The following PLCB4 variants were observed in gnomAD, a reference collection of about 807,000 sequenced individuals.
PLCB4 encodes the protein phospholipase C beta 4.
PLCB4 carries 77 observed loss-of-function variants against 178.8 expected under a neutral mutation model. The ratio of observed to expected loss-of-function variants is 0.43; its 90% confidence interval spans 0.36 to 0.52. The LOEUF is 0.52. PLCB4 is among the 20% of genes least tolerant of loss of function. The probability of loss-of-function intolerance (pLI) is 0.00; values close to 1 mark genes in which losing one functional copy is unlikely to be tolerated. For synonymous variants in PLCB4, 496 were observed against 490.8 expected, an observed-to-expected ratio of 1.01 and a Z score of -0.14; for missense variants, 1,024 against 1,453.4, an observed-to-expected ratio of 0.70 and a Z score of 4.80.
intron 2 of PLCB4, among the ~76,000 whole-genome samples, chr20:9,184,060 T>A (rs973826531): frequency 1.8e-4 from 28 of 152,314 alleles, no homozygotes; most frequent in African/African-American, 5.8e-4. Context: ...AAATTAATTT[T>A]AAAAATCTAA....
chr20:9,420,061 AT>A (rs1170091733), intron 26 of PLCB4, 152 bp downstream of exon 26: 4 of 494,762 alleles, frequency 8.1e-6, no homozygotes, highest in Non-Finnish European at 1.1e-5. Context: ...AATGAGACCC[AT>A]TTTTTCACTA....
chr20:9,384,362 G>A lies in PLCB4; in HGVS notation c.1015G>A (p.Gly339Arg). 5 of 1,614,134 alleles carry A rather than the reference G, an allele frequency of 3.1e-6. No homozygotes were observed. Among genetic ancestry groups the A allele is most frequent in the Non-Finnish European group, 3.4e-6 (4 of 1,179,996 alleles). The change falls in exon 14 of 40, where the codon GGG (glycine) becomes AGG (arginine). Residue 339 changes from glycine (G) to arginine (R), a missense_variant. Coordinates refer to ENST00000378473, the MANE Select transcript of PLCB4 (RefSeq NM_001377142.1). Reference protein sequence around the residue: ...NTYLTGRQFGGKSSVEMYRQV... With the variant: ...NTYLTGRQFGRKSSVEMYRQV... ...TTATCTCACTGGCAGACAGTTCGGC[G>A]GGAAGTCTTCGGTAGAAATGTACAG...
intron 2 of PLCB4, among the ~76,000 whole-genome samples, chr20:9,174,487 A>G (rs1304511830): frequency 6.6e-6 from 1 of 150,462 alleles, no homozygotes; most frequent in Non-Finnish European, 1.5e-5. Context: ...TTACCTGGCA[A>G]TATTGTATAT....
chr20:9,477,826 T>C (rs2044651029), intron 39 of PLCB4, among the ~76,000 whole-genome samples: 1 of 152,166 alleles, frequency 6.6e-6, no homozygotes, highest in Non-Finnish European at 1.5e-5. Context: ...AAATTAATTT[T>C]GTCACAAGAA....
intron 33 of PLCB4, among the ~76,000 whole-genome samples, chr20:9,454,126 T>C (rs980920898): frequency 2.0e-5 from 3 of 152,238 alleles, no homozygotes; most frequent in Non-Finnish European, 4.4e-5. Flanking sequence ...AGTTGTTTTG[T>C]AGAATGGCTC....
rs56785951 is a variant in PLCB4, at chr20:9,213,128, CTTTT to C, written c.-78-4235_-78-4232del. Among the ~76,000 whole-genome samples, 168 of 35,716 alleles carry C rather than the reference CTTTT, an allele frequency of 4.7e-3. 2 individuals are homozygous for C. Among genetic ancestry groups the C allele is most frequent in the South Asian group, 6.5e-3 (4 of 616 alleles). The allele number at this position is 35,716 out of a possible 152,430, so 23.4% of individuals were successfully genotyped here. ...TGCTTGGCTTCTCTCCGTTAGCATA[CTTTT>C]TTTTTTTTTTTTTTTTTTTTTTTTT... On this transcript the variant is annotated intron_variant, in intron 2 of 39. Coordinates refer to ENST00000378473, the MANE Select transcript of PLCB4 (RefSeq NM_001377142.1).
chr20:9,320,329 AGCATGCTAAT>A (rs2147954027), intron 4 of PLCB4, among the ~76,000 whole-genome samples: 1 of 152,336 alleles, frequency 6.6e-6, no homozygotes, highest in African/African-American at 2.4e-5. Flanking sequence ...AATGTCTTTT[AGCATGCTAAT>A]GCATTCATAT....
At chr20:9,248,260 C>A (rs1376965040) in intron 3 of PLCB4, among the ~76,000 whole-genome samples, 1 of 152,046 alleles carries the variant, frequency 6.6e-6, no homozygotes, top group African/African-American at 2.4e-5. Flanking sequence ...TACTCATGTA[C>A]AATGATGTTC....
At chr20:9,128,823 T>A (rs2092199497) in intron 2 of PLCB4, among the ~76,000 whole-genome samples, 1 of 152,144 alleles carries the variant, frequency 6.6e-6, no homozygotes, top group African/African-American at 2.4e-5. Context: ...AACAGAAACC[T>A]CCATTCCTCC....
At chr20:9,390,928 T>C (rs2038088258) in intron 17 of PLCB4, among the ~76,000 whole-genome samples, 1 of 152,186 alleles carries the variant, frequency 6.6e-6, no homozygotes, top group South Asian at 2.1e-4. Context: ...TAGAATCACC[T>C]ACAAAACTGT....
chr20:9,076,850 T>A (rs2089893999), intron 1 of PLCB4, among the ~76,000 whole-genome samples: 2 of 152,182 alleles, frequency 1.3e-5, no homozygotes, highest in South Asian at 2.1e-4. Context: ...ATTGGTTTTT[T>A]AAAATGATGT....
intron 2 of PLCB4, among the ~76,000 whole-genome samples, chr20:9,097,910 G>T (rs1345047618): frequency 6.6e-6 from 1 of 152,160 alleles, no homozygotes; most frequent in African/African-American, 2.4e-5. Flanking sequence ...AAGCTGAGTT[G>T]TAATGTTCGG....
chr20:9,148,509 AT>A (rs925177007), intron 2 of PLCB4, among the ~76,000 whole-genome samples: 3 of 151,674 alleles, frequency 2.0e-5, no homozygotes, highest in East Asian at 1.9e-4. Context: ...TCGTTTTCAG[AT>A]TTTTTTTTCT....
chr20:9,459,608 T>C, intron 34 of PLCB4, 27 bp from the exon 35 acceptor site: 2 of 1,568,648 alleles, frequency 1.3e-6, no homozygotes, highest in Non-Finnish European at 1.7e-6. Flanking sequence ...AGGATTACAA[T>C]GGCACCGTCC....
At chr20:9,075,752 C>T (rs1052463759) in intron 1 of PLCB4, among the ~76,000 whole-genome samples, 1 of 152,226 alleles carries the variant, frequency 6.6e-6, no homozygotes, top group African/African-American at 2.4e-5. Flanking sequence ...TTACCAGTGC[C>T]TCCACATTTT....
At chr20:9,206,811 G>T (rs2093620359) in intron 2 of PLCB4, among the ~76,000 whole-genome samples, 1 of 152,112 alleles carries the variant, frequency 6.6e-6, no homozygotes, top group South Asian at 2.1e-4. Context: ...ACAATGGATG[G>T]CTATTTTAAG....
At chr20:9,348,047 ATG>A (rs1421724866) in intron 7 of PLCB4, among the ~76,000 whole-genome samples, 4 of 152,300 alleles carry the variant, frequency 2.6e-5, no homozygotes, top group Admixed American at 2.6e-4. Context: ...GGAGCCAAGG[ATG>A]GTCCAGGTTA....
At chr20:9,273,446 G>A (rs1156973025) in intron 3 of PLCB4, among the ~76,000 whole-genome samples, 1 of 152,050 alleles carries the variant, frequency 6.6e-6, no homozygotes, top group Non-Finnish European at 1.5e-5. Flanking sequence ...AATTTTTGCA[G>A]TCTGACTCCA....
intron 2 of PLCB4, among the ~76,000 whole-genome samples, chr20:9,152,209 T>C (rs991848803): frequency 4.6e-5 from 7 of 152,168 alleles, no homozygotes; most frequent in Non-Finnish European, 8.8e-5. Context: ...ACCCATTTTC[T>C]GGGGAGAAAT....
Sources: gnomAD v4.1 joint callset for allele counts (sites outside exome capture counted in the v4.1 genomes callset) on GRCh38, gnomAD v4.1.1 for gene constraint, MANE v1.5 for transcripts, NCBI Gene and HGNC (gene_info 2026-07-23, HGNC 2026-07-21) for gene names.